GALNTL6: variants seen among roughly 807,000 people sequenced by gnomAD.
The protein encoded by GALNTL6 is polypeptide N-acetylgalactosaminyltransferase like 6.
Under a neutral mutation model 73.7 loss-of-function variants are expected in GALNTL6, and 46 were observed. That is an observed-to-expected ratio of 0.62 (90% confidence interval 0.49 to 0.80). GALNTL6 has a LOEUF of 0.80. GALNTL6 is among the 30% of genes least tolerant of loss of function. The pLI is 0.00. For missense variants in GALNTL6, 604 were observed against 755.0 expected (o/e 0.80, Z 2.34); for synonymous variants, 259 against 263.7 (o/e 0.98, Z 0.17).
chr4:172,935,289 G>A (rs1748551571), intron 9 of GALNTL6, among the ~76,000 whole-genome samples: 2 of 152,132 alleles, frequency 1.3e-5, no homozygotes, highest in Non-Finnish European at 2.9e-5. Flanking sequence ...ATGCAAATCT[G>A]TATACTGCTG....
At chr4:172,815,264 A>G (rs1202936844) in intron 7 of GALNTL6, among the ~76,000 whole-genome samples, 1 of 152,216 alleles carries the variant, frequency 6.6e-6, no homozygotes, top group African/African-American at 2.4e-5. Context: ...TACAACTTTT[A>G]TATGTCAGTT....
intron 8 of GALNTL6, among the ~76,000 whole-genome samples, chr4:172,916,853 C>T (rs933220335): frequency 1.9e-4 from 29 of 152,262 alleles, no homozygotes; most frequent in African/African-American, 5.8e-4. Context: ...ATGCCATCCC[C>T]GTCAAGCTAC....
At chr4:173,001,798 AT>A (rs1358655631) in intron 10 of GALNTL6, among the ~76,000 whole-genome samples, 1 of 152,230 alleles carries the variant, frequency 6.6e-6, no homozygotes, top group African/African-American at 2.4e-5. Flanking sequence ...GGAAAAGCAA[AT>A]CAAAACCACA....
chr4:172,574,162 C>T (rs1159569763), intron 5 of GALNTL6, among the ~76,000 whole-genome samples: 1 of 152,142 alleles, frequency 6.6e-6, no homozygotes, highest in East Asian at 1.9e-4. Context: ...GTAACTATTG[C>T]TTAAGAATAG....
Position 172,032,983 on chromosome 4 carries a change from C to T in GALNTL6, c.139-196673C>T, listed in dbSNP as rs76615783. Among the ~76,000 whole-genome samples, 978 of 151,920 alleles carry T rather than the reference C, an allele frequency of 6.4e-3. 9 individuals are homozygous for T. The highest frequency in any genetic ancestry group is 0.023 in the African/African-American group (942 of 41,470). On this transcript the variant is annotated intron_variant, in intron 2 of 12. Transcript: ENST00000506823. ...TAGTACATGAAAATTGTGAATAACC[C>T]GAAGAGCTTATATATACTGAATAAA...
At chr4:172,574,955 C>T (rs1349542391) in intron 5 of GALNTL6, among the ~76,000 whole-genome samples, 2 of 151,954 alleles carry the variant, frequency 1.3e-5, no homozygotes, top group Non-Finnish European at 2.9e-5. Context: ...CACACACACA[C>T]ACACACACAC....
Position 172,135,762 on chromosome 4 carries a change from A to G in GALNTL6, c.139-93894A>G, listed in dbSNP as rs931913701. On this transcript the variant is annotated intron_variant, in intron 2 of 12. Transcript: ENST00000506823. ...TACATTACAAAATAGTAAAAATACA[A>G]TAATAATCAATATATGAGAAAAATT... 3.4e-5 allele frequency among the ~76,000 whole-genome samples: 4 copies of G among 118,144 alleles called. No individual in the cohort carries two copies. The East Asian group carries it at 7.9e-4, about 23-fold the overall frequency. 77.5% of individuals were successfully genotyped at this position (118,144 alleles called of 152,430 possible).
At chr4:172,786,112 G>A (rs576882877) in intron 5 of GALNTL6, among the ~76,000 whole-genome samples, 7 of 151,290 alleles carry the variant, frequency 4.6e-5, no homozygotes, top group Admixed American at 2.0e-4. Flanking sequence ...ATAGGGCTAC[G>A]AGAGACACTA....
At chr4:172,794,770 C>T (rs1030578939) in intron 5 of GALNTL6, among the ~76,000 whole-genome samples, 4 of 152,186 alleles carry the variant, frequency 2.6e-5, no homozygotes, top group African/African-American at 9.7e-5. Flanking sequence ...TTTCTTTTCT[C>T]CTTCAATGAA....
At chr4:172,875,577 G>A (rs1463525189) in intron 7 of GALNTL6, among the ~76,000 whole-genome samples, 3 of 151,954 alleles carry the variant, frequency 2.0e-5, no homozygotes, top group Admixed American at 6.6e-5. Context: ...GTGGAGTGTG[G>A]GTGACCCCAG....
At chr4:172,416,562 A>C (rs1325072430) in intron 5 of GALNTL6, among the ~76,000 whole-genome samples, 1 of 152,220 alleles carries the variant, frequency 6.6e-6, no homozygotes, top group Non-Finnish European at 1.5e-5. Context: ...AACTAAAATC[A>C]AGGATATTTA....
chr4:172,269,898 C>T (rs552311625), intron 3 of GALNTL6, among the ~76,000 whole-genome samples: 27 of 151,982 alleles, frequency 1.8e-4, no homozygotes, highest in Admixed American at 1.1e-3. Flanking sequence ...ATTATGGGTG[C>T]CTGCCACCAT....
chr4:171,948,631 A>G (rs1251252811), intron 2 of GALNTL6, among the ~76,000 whole-genome samples: 1 of 152,192 alleles, frequency 6.6e-6, no homozygotes, highest in Non-Finnish European at 1.5e-5. Context: ...ACTATAAAAT[A>G]AATGGATACA....
intron 5 of GALNTL6, chr4:172,380,216 A>G: frequency 1.0e-6 from 1 of 977,654 alleles, no homozygotes; most frequent in Non-Finnish European, 1.7e-6. Flanking sequence ...CTTACCTTTC[A>G]AAATATCTTA....
Position 172,069,535 on chromosome 4 carries a change from A to ATGTTATATATAGCACATATATGTG in GALNTL6, c.139-160120_139-160119insGTTATATATAGCACATATATGTGT, listed in dbSNP as rs58953734. Among the ~76,000 whole-genome samples the ATGTTATATATAGCACATATATGTG allele has an allele frequency of 5.4e-5, 3 of 55,972 alleles. 1 individual carries two copies. Among genetic ancestry groups the ATGTTATATATAGCACATATATGTG allele is most frequent in the South Asian group, 5.0e-4 (1 of 2,020 alleles). 36.7% of individuals were successfully genotyped at this position (55,972 alleles called of 152,430 possible). On this transcript the variant is annotated intron_variant, in intron 2 of 12. Coordinates refer to ENST00000506823, the MANE Select transcript of GALNTL6 (RefSeq NM_001034845.3). ...TATATGTTATATGTATAACACATAT[A>ATGTTATATATAGCACATATATGTG]TTATATATAACACATATATGTTATA... is the stretch of plus-strand genomic sequence containing the variant.
chr4:171,901,724 T>A (rs1422681366), intron 2 of GALNTL6, among the ~76,000 whole-genome samples: 1 of 152,226 alleles, frequency 6.6e-6, no homozygotes, highest in Admixed American at 6.5e-5. Flanking sequence ...AATTCTAAAC[T>A]GGATTTTTAA....
chr4:173,024,465 T>C (rs1217218658), intron 12 of GALNTL6, among the ~76,000 whole-genome samples: 1 of 152,242 alleles, frequency 6.6e-6, no homozygotes, highest in African/African-American at 2.4e-5. Context: ...CTCTTGTTTT[T>C]TCCAAGGGCT....
chr4:172,380,272 CA>C (rs1743231124), intron 5 of GALNTL6: 1 of 807,608 alleles, frequency 1.2e-6, no homozygotes, highest in African/African-American at 1.7e-5. Context: ...AAATTTTGGT[CA>C]TAAAACGCAC....
At chr4:172,148,324 C>T (rs1157263208) in intron 2 of GALNTL6, among the ~76,000 whole-genome samples, 1 of 152,106 alleles carries the variant, frequency 6.6e-6, no homozygotes, top group Non-Finnish European at 1.5e-5. Flanking sequence ...CACTAGAGAT[C>T]CATTAAGTCT....
Sources: allele counts gnomAD v4.1 joint callset (sites outside exome capture counted in the v4.1 genomes callset), GRCh38; gene constraint gnomAD v4.1.1; transcripts MANE v1.5; gene names NCBI Gene and HGNC (gene_info 2026-07-23, HGNC 2026-07-21).